BTC: variants seen among roughly 807,000 people sequenced by gnomAD.
BTC encodes the protein betacellulin, also known as probetacellulin.
A neutral mutation model predicts 18.1 loss-of-function variants in BTC; 13 were observed. That is an observed-to-expected ratio of 0.72 (90% CI 0.47 to 1.14). The LOEUF is 1.14. Among genes scored for constraint, BTC ranks in the 50% most tolerant of loss-of-function variants. The pLI, the probability that BTC is intolerant of heterozygous loss-of-function variation, is 0.00. For synonymous variants in BTC, 83 were observed against 79.4 expected (o/e 1.05, Z -0.24); for missense variants, 247 against 224.2 (o/e 1.10, Z -0.65).
intron 3 of BTC, among the ~76,000 whole-genome samples, chr4:74,751,796 T>A (rs1724468713): frequency 6.6e-6 from 1 of 152,204 alleles, no homozygotes; most frequent in African/African-American, 2.4e-5. Flanking sequence ...CTTAGTACCT[T>A]AGTATTAATA....
chr4:74,790,279 C>T (rs188795913), intron 1 of BTC, among the ~76,000 whole-genome samples: 2 of 152,286 alleles, frequency 1.3e-5, no homozygotes, highest in East Asian at 3.9e-4. Context: ...TATAATAACT[C>T]ATGCTTATTC....
chr4:74,761,902 GC>G (rs1724767116), intron 2 of BTC, among the ~76,000 whole-genome samples: 2 of 152,068 alleles, frequency 1.3e-5, no homozygotes, highest in South Asian at 4.2e-4. Context: ...AAACCTGAAG[GC>G]CTTATACTCC....
intron 1 of BTC, among the ~76,000 whole-genome samples, chr4:74,770,919 G>A (rs1024217378): frequency 9.6e-6 from 1 of 104,390 alleles, no homozygotes; most frequent in African/African-American, 7.2e-5. Flanking sequence ...TCGTGTATGT[G>A]TGTGTGTGTG....
chr4:74,760,238 A>T (rs1189119134), intron 2 of BTC, among the ~76,000 whole-genome samples: 1 of 152,198 alleles, frequency 6.6e-6, no homozygotes, highest in East Asian at 1.9e-4. Context: ...TTAGATGCAT[A>T]GTTAAATCTC....
intron 1 of BTC, among the ~76,000 whole-genome samples, chr4:74,785,932 C>G (rs903424209): frequency 1.3e-5 from 2 of 152,150 alleles, no homozygotes; most frequent in African/African-American, 4.8e-5. Flanking sequence ...AATTATTATG[C>G]TCTTAGAACA....
intron 1 of BTC, among the ~76,000 whole-genome samples, chr4:74,776,533 A>T (rs1158529443): frequency 6.6e-6 from 1 of 152,208 alleles, no homozygotes; most frequent in Non-Finnish European, 1.5e-5. Flanking sequence ...GAGATTCTCA[A>T]GTTAAATATT....
chr4:74,746,245 A>G lies in BTC; in HGVS notation c.*432T>C, dbSNP rs921365134. On this transcript the variant is annotated 3_prime_UTR_variant, in exon 6 of 6. Coordinates refer to ENST00000395743, the MANE Select transcript of BTC (RefSeq NM_001729.4). ...TTTCCATATGTAGGAAATGAGGATT[A>G]TAATAGCTATCTCATGGATTGCTGA... The G allele has an allele frequency of 2.6e-5, 4 of 152,352 alleles. No individual in the cohort carries two copies. Among genetic ancestry groups the G allele is most frequent in the Middle Eastern group, 3.4e-3 (1 of 294 alleles). 9.4% of individuals were successfully genotyped at this position (152,352 alleles called of 1,614,324 possible).
chr4:74,780,611 G>T (rs937239798), intron 1 of BTC, among the ~76,000 whole-genome samples: 5 of 152,134 alleles, frequency 3.3e-5, no homozygotes, highest in Admixed American at 6.6e-5. Context: ...TTTACCTATT[G>T]TAGTTGTGCT....
intron 2 of BTC, among the ~76,000 whole-genome samples, chr4:74,758,071 A>G (rs1724650815): frequency 6.6e-6 from 1 of 152,200 alleles, no homozygotes; most frequent in Non-Finnish European, 1.5e-5. Flanking sequence ...TGGAAAATGT[A>G]GATTTTAGAG....
At chr4:74,791,571 T>C (rs1560728060) in intron 1 of BTC, among the ~76,000 whole-genome samples, 1 of 152,190 alleles carries the variant, frequency 6.6e-6, no homozygotes, top group Non-Finnish European at 1.5e-5. Flanking sequence ...ATTTGTACCA[T>C]ATAATCTGCT....
At chr4:74,754,533 G>A (rs572598052) in intron 3 of BTC, among the ~76,000 whole-genome samples, 1 of 152,302 alleles carries the variant, frequency 6.6e-6, no homozygotes, top group South Asian at 2.1e-4. Flanking sequence ...GATGAGTGCA[G>A]TGCATCTTAA....
At chr4:74,749,483 AAAATAAAT>A (rs10654944) in intron 4 of BTC, among the ~76,000 whole-genome samples, 18 of 143,740 alleles carry the variant, frequency 1.3e-4, no homozygotes, top group African/African-American at 2.3e-4. Flanking sequence ...ACTCTGTCTC[AAAATAAAT>A]AAATAAATAA....
At chr4:74,767,614 A>G (rs927303660) in intron 2 of BTC, among the ~76,000 whole-genome samples, 1 of 152,128 alleles carries the variant, frequency 6.6e-6, no homozygotes, top group Non-Finnish European at 1.5e-5. Flanking sequence ...CTGGATAGCC[A>G]AAACAATCTT....
chr4:74,785,327 T>C lies in BTC; in HGVS notation c.64+8935A>G, dbSNP rs566176892. Among the ~76,000 whole-genome samples the C allele has an allele frequency of 5.9e-5, 9 of 152,306 alleles. No homozygotes were observed. In the East Asian group the frequency reaches 1.7e-3, roughly 29 times the overall value. On this transcript the variant is annotated intron_variant, in intron 1 of 5. Coordinates refer to ENST00000395743, the MANE Select transcript of BTC (RefSeq NM_001729.4). Reference sequence around the variant, plus strand: ...GATTCTTCTCTCTTTTCTTCTTTATTAGTCTAGTTAGCTGTCTATTTTATT... The same window carrying C: ...GATTCTTCTCTCTTTTCTTCTTTATCAGTCTAGTTAGCTGTCTATTTTATT...
chr4:74,780,186 G>T (rs1452929871), intron 1 of BTC, among the ~76,000 whole-genome samples: 3 of 152,156 alleles, frequency 2.0e-5, no homozygotes, highest in Non-Finnish European at 4.4e-5. Flanking sequence ...CCTATGAAAA[G>T]AAGACTCATT....
chr4:74,776,736 A>T (rs982276504), intron 1 of BTC, among the ~76,000 whole-genome samples: 1 of 152,206 alleles, frequency 6.6e-6, no homozygotes, highest in South Asian at 2.1e-4. Context: ...ACCAACTTAA[A>T]CAGTCATGTG....
At chr4:74,747,200 T>C (rs1430640793) in intron 5 of BTC, among the ~76,000 whole-genome samples, 5 of 152,232 alleles carry the variant, frequency 3.3e-5, no homozygotes, top group African/African-American at 4.8e-5. Context: ...TTACGCGTCA[T>C]GTGCCTTCTT....
chr4:74,748,252 A>AG lies in BTC; in HGVS notation c.429-104_429-103insC, dbSNP rs140370758. 7.6e-3 allele frequency: 5,394 copies of AG among 708,828 alleles called. 246 individuals carry two copies. The African/African-American group carries it at 0.087, about 11-fold the overall frequency. 43.9% of individuals were successfully genotyped at this position (708,828 alleles called of 1,614,324 possible). ...TGATCAGGTTTCTTTTTTTAAAAAA[A>AG]TATTTAGGGTTCTAGGCCGGGCGCA... On this transcript the variant is annotated intron_variant, in intron 4 of 5. Coordinates refer to ENST00000395743, the MANE Select transcript of BTC (RefSeq NM_001729.4).
chr4:74,748,072 T>C lies in BTC; in HGVS notation c.506A>G (p.Asn169Ser), dbSNP rs782795677. The change falls in exon 5 of 6, where the codon AAT (asparagine) becomes AGT (serine). Residue 169 changes from asparagine (N) to serine (S), a missense_variant. Asn to Ser is a conservative substitution (Grantham distance 46, BLOSUM62 1). Coordinates refer to ENST00000395743, the MANE Select transcript of BTC (RefSeq NM_001729.4). ...AATATTTGTCTCTTCAATATCTTCA[T>C]TGATAGGAGTTATATCTTTACCCAG... is the stretch of plus-strand genomic sequence containing the variant. ...ETLGKDITPI[N>S]EDIEETNIA 6.9e-6 allele frequency: 11 copies of C among 1,605,090 alleles called. No homozygotes were observed. In the South Asian group the frequency reaches 7.8e-5, roughly 11 times the overall value.
Sources: gnomAD v4.1 joint callset for allele counts (sites outside exome capture counted in the v4.1 genomes callset) on GRCh38, gnomAD v4.1.1 for gene constraint, MANE v1.5 for transcripts, NCBI Gene and HGNC (gene_info 2026-07-23, HGNC 2026-07-21) for gene names.